The following ADGRF4 variants were observed in gnomAD, a reference collection of about 807,000 sequenced individuals.
ADGRF4 encodes adhesion G protein-coupled receptor F4, also known as G-protein coupled receptor PGR18.
In ADGRF4, 63 loss-of-function variants were observed where a neutral mutation model predicts 58.5. The ratio of observed to expected loss-of-function variants is 1.08; its 90% CI spans 0.88 to 1.33. The LOEUF (loss-of-function observed/expected upper bound fraction) is 1.33. Ranked by LOEUF, ADGRF4 falls within the 40% of genes most tolerant of loss-of-function variation. ADGRF4 has a pLI of 0.00. For missense variants in ADGRF4, 931 were observed against 843.9 expected (o/e 1.10, Z -1.28); for synonymous variants, 313 against 295.4 (o/e 1.06, Z -0.61).
At position 47,712,472 on chromosome 6, in the gene ADGRF4, G is replaced by A. The variant is rs966878927; in HGVS notation, c.416G>A (p.Cys139Tyr). ...GTAGCTCAAGGAATCCGTAAGAACT[G>A]CCCCTTTGATTATGCCTGCATCACT... ...ESVAQGIRKN[C>Y]PFDYACITDM... Residue 139 changes from cysteine to tyrosine, a missense_variant, in exon 5 of 10, where the codon TGC becomes TAC. By Grantham distance (194) the Cys-to-Tyr change is radical (BLOSUM62 -2). Transcript: ENST00000283303. The A allele has an allele frequency of 6.2e-7, 1 of 1,614,050 alleles. No homozygotes were observed. The highest frequency in any genetic ancestry group is 1.3e-5 in the African/African-American group (1 of 75,004).
chr6:47,700,151 C>T (rs1771558769), intron 1 of ADGRF4, among the ~76,000 whole-genome samples: 1 of 152,192 alleles, frequency 6.6e-6, no homozygotes. Flanking sequence ...TTCCTTGATT[C>T]ACAAATATTC....
intron 3 of ADGRF4, among the ~76,000 whole-genome samples, chr6:47,708,596 T>C (rs1029694577): frequency 3.9e-5 from 6 of 152,242 alleles, no homozygotes; most frequent in African/African-American, 1.4e-4. Flanking sequence ...ACAAGATTAT[T>C]TCTTCCTTCA....
At chr6:47,710,697 G>T in intron 3 of ADGRF4, 38 bp from the exon 4 acceptor site, 1 of 1,542,030 alleles carries the variant, frequency 6.5e-7, no homozygotes, top group Non-Finnish European at 8.7e-7. Context: ...TCCTAATTGG[G>T]CTCCTGTCTC....
intron 1 of ADGRF4, among the ~76,000 whole-genome samples, chr6:47,703,199 T>C (rs1771628293): frequency 6.6e-6 from 1 of 152,246 alleles, no homozygotes. Flanking sequence ...TATTAATCTT[T>C]ATCAGTGGTA....
intron 9 of ADGRF4, among the ~76,000 whole-genome samples, chr6:47,719,735 C>T (rs934519911): frequency 2.0e-5 from 3 of 151,968 alleles, no homozygotes; most frequent in African/African-American, 7.3e-5. Context: ...GTTGGGGATC[C>T]TAGGTTGGCT....
intron 6 of ADGRF4, chr6:47,715,397 C>A (rs1771991564): frequency 6.4e-6 from 3 of 471,306 alleles, no homozygotes; most frequent in Admixed American, 3.7e-5. Flanking sequence ...ACTGATGCAC[C>A]TGTATCCCTA....
chr6:47,712,473 C>T lies in ADGRF4; in HGVS notation c.417C>T (p.Cys139=), dbSNP rs1424453948. 2.5e-5 allele frequency: 41 copies of T among 1,613,914 alleles called. No individual in the cohort carries two copies. Among genetic ancestry groups the T allele is most frequent in the Non-Finnish European group, 3.4e-5 (40 of 1,179,978 alleles). The part of the protein sequence containing the change: ...ESVAQGIRKN[C]PFDYACITDM... ...TAGCTCAAGGAATCCGTAAGAACTGCCCCTTTGATTATGCCTGCATCACTG... is the reference window on the plus strand; with the variant it reads ...TAGCTCAAGGAATCCGTAAGAACTGTCCCTTTGATTATGCCTGCATCACTG... The change falls in exon 5 of 10, where the codon TGC becomes TGT. Residue 139 remains cysteine (C), a synonymous_variant. Coordinates refer to ENST00000283303, the MANE Select transcript of ADGRF4 (RefSeq NM_153838.5).
chr6:47,716,158 A>G (rs1772012879), intron 6 of ADGRF4, among the ~76,000 whole-genome samples: 1 of 152,132 alleles, frequency 6.6e-6, no homozygotes, highest in African/African-American at 2.4e-5. Flanking sequence ...TTCTTGATAG[A>G]AAGAAAAATA....
chr6:47,705,363 A>T (rs1365306578), intron 1 of ADGRF4, among the ~76,000 whole-genome samples: 3 of 152,200 alleles, frequency 2.0e-5, no homozygotes, highest in Non-Finnish European at 1.5e-5. Flanking sequence ...TCACATTGCA[A>T]ATTGCTTAGG....
chr6:47,717,305 T>G lies in ADGRF4; in HGVS notation c.1988T>G (p.Leu663Trp). The change falls in exon 8 of 10, where the codon TTG (leucine) becomes TGG (tryptophan). Residue 663 changes from leucine (L) to tryptophan (W), a missense_variant. By Grantham distance (61) the Leu-to-Trp change is moderately conservative (BLOSUM62 -2). Coordinates refer to ENST00000283303, the MANE Select transcript of ADGRF4 (RefSeq NM_153838.5). ...TIMDHKIRDA[L>W]RMRMSSLKGK... ...TTGCTTCTTTAGATAAGAGATGCTTTGAGGATGAGGATGTCTTCACTGAAG... is the reference window on the plus strand; with the variant it reads ...TTGCTTCTTTAGATAAGAGATGCTTGGAGGATGAGGATGTCTTCACTGAAG... The G allele has an allele frequency of 6.2e-7, 1 of 1,610,506 alleles. No individual in the cohort carries two copies. The highest frequency in any genetic ancestry group is 1.1e-5 in the South Asian group (1 of 91,004).
chr6:47,713,052 C>T (rs576214015), intron 5 of ADGRF4, among the ~76,000 whole-genome samples: 1 of 152,112 alleles, frequency 6.6e-6, no homozygotes, highest in African/African-American at 2.4e-5. Context: ...ATTAGATTCT[C>T]GTAGAAGCAC....
chr6:47,713,567 C>T (rs555498050), intron 5 of ADGRF4, among the ~76,000 whole-genome samples: 2 of 152,166 alleles, frequency 1.3e-5, no homozygotes, highest in Non-Finnish European at 2.9e-5. Context: ...TGCTGCCCTG[C>T]GTGCAATAAT....
intron 3 of ADGRF4, among the ~76,000 whole-genome samples, chr6:47,709,298 A>G (rs1254815534): frequency 1.3e-5 from 2 of 152,196 alleles, no homozygotes; most frequent in African/African-American, 4.8e-5. Flanking sequence ...ATGCACTCTG[A>G]CCGATGGGCC....
At chr6:47,699,336 T>C (rs776816692) in intron 1 of ADGRF4, among the ~76,000 whole-genome samples, 2 of 152,268 alleles carry the variant, frequency 1.3e-5, no homozygotes, top group Non-Finnish European at 2.9e-5. Context: ...AAGACAGTTG[T>C]GAGAGGTCTA....
intron 1 of ADGRF4, among the ~76,000 whole-genome samples, chr6:47,705,085 C>A (rs1771677497): frequency 6.6e-6 from 1 of 152,130 alleles, no homozygotes; most frequent in Non-Finnish European, 1.5e-5. Context: ...CCTGCCACCA[C>A]ACTTGGCTAA....
intron 1 of ADGRF4, among the ~76,000 whole-genome samples, chr6:47,702,710 A>G (rs1431658346): frequency 6.6e-6 from 1 of 152,218 alleles, no homozygotes; most frequent in Non-Finnish European, 1.5e-5. Context: ...TTTTTCTGCC[A>G]CCATACACAG....
intron 1 of ADGRF4, among the ~76,000 whole-genome samples, chr6:47,705,663 G>T (rs915027591): frequency 6.6e-6 from 1 of 152,210 alleles, no homozygotes; most frequent in Non-Finnish European, 1.5e-5. Context: ...CTGGACCCAG[G>T]AAAGTCCATC....
chr6:47,715,054 C>A lies in ADGRF4; in HGVS notation c.1809C>A (p.Ile603=), dbSNP rs1159011002. The change falls in exon 6 of 10, where the codon ATC becomes ATA. Residue 603 remains isoleucine (I), a synonymous_variant. Coordinates refer to ENST00000283303, the MANE Select transcript of ADGRF4 (RefSeq NM_153838.5). The part of the protein sequence containing the change: ...KSQDVVIIMR[I]SKNVAILTPL... ...AGGATGTGGTCATAATTATGAGGAT[C>A]AGCAAAAATGTTGCCATCCTCACTC... 6.2e-7 allele frequency: 1 copy of A among 1,613,118 alleles called. No individual in the cohort carries two copies. The highest frequency in any genetic ancestry group is 8.5e-7 in the Non-Finnish European group (1 of 1,179,266).
In ADGRF4 at chr6:47,712,218, C is replaced by T. The variant is rs934207283; in HGVS notation, c.301-139C>T. ...GATCCCACTGTATCGTCTCCACCCC[C>T]CTCTGCATCAAAACCACTTTTTAGG... is the stretch of plus-strand genomic sequence containing the variant. On this transcript the variant is annotated intron_variant, in intron 4 of 9. Coordinates refer to ENST00000283303, the MANE Select transcript of ADGRF4 (RefSeq NM_153838.5). 5.5e-6 allele frequency: 4 copies of T among 723,722 alleles called. 1 individual carries two copies. Among genetic ancestry groups the T allele is most frequent in the South Asian group, 3.6e-5 (2 of 55,366 alleles). 44.8% of individuals were successfully genotyped at this position (723,722 alleles called of 1,614,324 possible). A position where few individuals can be genotyped will look rare whatever the true frequency, so the allele number is the denominator to read the frequency against.
Sources: allele counts gnomAD v4.1 joint callset (sites outside exome capture counted in the v4.1 genomes callset), GRCh38; gene constraint gnomAD v4.1.1; transcripts MANE v1.5; gene names NCBI Gene and HGNC (gene_info 2026-07-23, HGNC 2026-07-21).